Variants in ZNF804A observed in about 807,000 individuals in gnomAD.
ZNF804A encodes zinc finger protein 804A.
A neutral mutation model predicts 16.5 loss-of-function variants in ZNF804A; 2 were observed. The observed-to-expected ratio is 0.12, with a 90% CI of 0.05 to 0.38. The LOEUF is 0.38. ZNF804A is among the 10% of genes least tolerant of loss of function. ZNF804A has a pLI of 0.99. For synonymous variants in ZNF804A, 534 were observed against 489.6 expected, an observed-to-expected ratio of 1.09 and a Z score of -1.20; for missense variants, 1,473 against 1,390.7, an observed-to-expected ratio of 1.06 and a Z score of -0.94.
rs564048795 is a variant in ZNF804A, at chr2:184,913,541, C to T, written c.256-20062C>T. 2.0e-5 allele frequency among the ~76,000 whole-genome samples: 3 copies of T among 152,186 alleles called. No individual in the cohort carries two copies. The East Asian group carries it at 5.8e-4, about 29-fold the overall frequency. ...GTATAGTTCTGATAGATACGGTATT[C>T]TTGGTTGACAGTTCCTTTTCCTTTT... On this transcript the variant is annotated intron_variant, in intron 2 of 3. Coordinates refer to ENST00000302277, the MANE Select transcript of ZNF804A (RefSeq NM_194250.2).
intron 1 of ZNF804A, among the ~76,000 whole-genome samples, chr2:184,772,122 A>G (rs1694224959): frequency 6.7e-6 from 1 of 148,680 alleles, no homozygotes; most frequent in African/African-American, 2.4e-5. Flanking sequence ...AAACATAAAT[A>G]TAAGATACTG....
At chr2:184,711,300 A>T (rs1213481798) in intron 1 of ZNF804A, among the ~76,000 whole-genome samples, 3 of 151,698 alleles carry the variant, frequency 2.0e-5, no homozygotes, top group Non-Finnish European at 4.4e-5. Context: ...CCATTTATAT[A>T]TTACTTTGGA....
intron 2 of ZNF804A, among the ~76,000 whole-genome samples, chr2:184,868,962 G>T (rs183986733): frequency 6.0e-4 from 91 of 152,090 alleles, no homozygotes; most frequent in African/African-American, 2.1e-3. Flanking sequence ...ACAGGTACAG[G>T]TTGAGTATAT....
chr2:184,867,798 G>T (rs1695897967), intron 2 of ZNF804A, among the ~76,000 whole-genome samples: 1 of 151,958 alleles, frequency 6.6e-6, no homozygotes, highest in East Asian at 1.9e-4. Flanking sequence ...AATAATTCTG[G>T]AATGCTGTTT....
chr2:184,711,481 C>T (rs1201266409), intron 1 of ZNF804A, among the ~76,000 whole-genome samples: 1 of 151,642 alleles, frequency 6.6e-6, no homozygotes, highest in Admixed American at 6.6e-5. Context: ...TTGGTTGTTT[C>T]CTTTGCTGTG....
chr2:184,714,854 G>C (rs761400907), intron 1 of ZNF804A, among the ~76,000 whole-genome samples: 20 of 152,058 alleles, frequency 1.3e-4, no homozygotes, highest in Non-Finnish European at 2.4e-4. Context: ...TAATGTGAAG[G>C]ACAATCCAAG....
In ZNF804A at chr2:184,765,711, C is replaced by A. The variant is rs116499662; in HGVS notation, c.112-100658C>A. ...TTGCTGATGCCCCCTGCAGAATAAACCCCTTCCTTCCTTAACTCAGTGTCT... is the reference window on the plus strand; with the variant it reads ...TTGCTGATGCCCCCTGCAGAATAAAACCCTTCCTTCCTTAACTCAGTGTCT... On this transcript the variant is annotated intron_variant, in intron 1 of 3. Transcript: ENST00000302277. Among the ~76,000 whole-genome samples the A allele has an allele frequency of 5.8e-3, 877 of 150,102 alleles. 13 individuals are homozygous for A. Among genetic ancestry groups the A allele is most frequent in the African/African-American group, 0.02 (837 of 40,890 alleles).
intron 1 of ZNF804A, among the ~76,000 whole-genome samples, chr2:184,685,970 CA>C (rs1484714253): frequency 2.6e-5 from 4 of 152,228 alleles, no homozygotes; most frequent in African/African-American, 4.8e-5. Context: ...CATCAGTGCC[CA>C]AAGTCTGGAG....
At chr2:184,623,032 A>G (rs1288418260) in intron 1 of ZNF804A, among the ~76,000 whole-genome samples, 2 of 152,080 alleles carry the variant, frequency 1.3e-5, no homozygotes, top group African/African-American at 2.4e-5. Context: ...TATTTGCTGG[A>G]AAAATTAGCA....
Position 184,708,316 on chromosome 2 carries a change from CA to C in ZNF804A, c.111+109253del, listed in dbSNP as rs1469294930. ...TTTCTGTTGCCATTACTTTTTAGGA[CA>C]AAAAAAGAGCCTGAATAGCCAAAGC... On this transcript the variant is annotated intron_variant, in intron 1 of 3. Coordinates refer to ENST00000302277, the MANE Select transcript of ZNF804A (RefSeq NM_194250.2). 3.3e-5 allele frequency among the ~76,000 whole-genome samples: 5 copies of C among 151,600 alleles called. No homozygotes were observed. The South Asian group carries it at 1.0e-3, about 32-fold the overall frequency.
chr2:184,797,860 C>T (rs1013126550), intron 1 of ZNF804A, among the ~76,000 whole-genome samples: 1 of 152,060 alleles, frequency 6.6e-6, no homozygotes, highest in Admixed American at 6.6e-5. Context: ...GGATGCGTTT[C>T]AAGATTTAGA....
At chr2:184,617,448 G>C (rs1268653796) in intron 1 of ZNF804A, among the ~76,000 whole-genome samples, 1 of 151,796 alleles carries the variant, frequency 6.6e-6, no homozygotes, top group African/African-American at 2.4e-5. Flanking sequence ...AAAATAAAAA[G>C]ACATAAAAGT....
intron 1 of ZNF804A, among the ~76,000 whole-genome samples, chr2:184,822,692 G>A (rs1033748905): frequency 6.6e-6 from 1 of 152,012 alleles, no homozygotes; most frequent in Non-Finnish European, 1.5e-5. Flanking sequence ...CTTTGGGTGA[G>A]GAATGGTGAA....
At chr2:184,691,707 G>C (rs2105725642) in intron 1 of ZNF804A, among the ~76,000 whole-genome samples, 1 of 151,708 alleles carries the variant, frequency 6.6e-6, no homozygotes, top group Admixed American at 6.6e-5. Flanking sequence ...TTTAATATAG[G>C]TAAGGGAAGG....
intron 1 of ZNF804A, among the ~76,000 whole-genome samples, chr2:184,773,540 A>G (rs1387533197): frequency 6.6e-6 from 1 of 151,966 alleles, no homozygotes; most frequent in Non-Finnish European, 1.5e-5. Flanking sequence ...TTCTTAGTGA[A>G]GTAACTCAGG....
intron 2 of ZNF804A, among the ~76,000 whole-genome samples, chr2:184,925,136 A>C (rs1685590401): frequency 6.6e-6 from 1 of 151,916 alleles, no homozygotes; most frequent in Non-Finnish European, 1.5e-5. Context: ...GTGGATGTTA[A>C]AGTCTCTCCA....
intron 2 of ZNF804A, among the ~76,000 whole-genome samples, chr2:184,871,169 C>G (rs541476426): frequency 6.6e-6 from 1 of 151,538 alleles, no homozygotes; most frequent in African/African-American, 2.4e-5. Flanking sequence ...AGGATGATAT[C>G]TCCAAAGAGC....
At chr2:184,919,340 G>A (rs141219479) in intron 2 of ZNF804A, among the ~76,000 whole-genome samples, 9 of 152,218 alleles carry the variant, frequency 5.9e-5, no homozygotes, top group Admixed American at 2.6e-4. Flanking sequence ...GGTCTCTGTC[G>A]CTGCTGGCAT....
intron 1 of ZNF804A, among the ~76,000 whole-genome samples, chr2:184,797,222 A>C (rs1574217094): frequency 6.6e-6 from 1 of 152,116 alleles, no homozygotes; most frequent in African/African-American, 2.4e-5. Context: ...CCATCAGTGG[A>C]GTATTGAAGT....
Sources: gnomAD v4.1 joint callset for allele counts (sites outside exome capture counted in the v4.1 genomes callset) on GRCh38, gnomAD v4.1.1 for gene constraint, MANE v1.5 for transcripts, NCBI Gene and HGNC (gene_info 2026-07-23, HGNC 2026-07-21) for gene names.